HERC5: variants seen among roughly 807,000 people sequenced by gnomAD.
HERC5 encodes HECT and RLD domain containing E3 ubiquitin protein ligase 5.
HERC5 carries 99 observed loss-of-function variants against 119.6 expected under a neutral mutation model. The observed-to-expected ratio is 0.83, with a 90% CI of 0.70 to 0.98. HERC5 has a LOEUF of 0.98. Among genes scored for constraint, HERC5 ranks in the 50% least tolerant of loss-of-function variants. The probability of loss-of-function intolerance (pLI) is 0.00; values close to 1 mark genes in which losing one functional copy is unlikely to be tolerated. For synonymous variants in HERC5, 478 were observed against 445.9 expected, an observed-to-expected ratio of 1.07 and a Z score of -0.91; for missense variants, 1,267 against 1,241.3, an observed-to-expected ratio of 1.02 and a Z score of -0.31.
chr4:88,484,072 G>GA (rs1372876183), intron 13 of HERC5, among the ~76,000 whole-genome samples: 1 of 152,032 alleles, frequency 6.6e-6, no homozygotes, highest in Non-Finnish European at 1.5e-5. Context: ...TCCAGTTCAT[G>GA]AATTCTCTTT....
intron 13 of HERC5, among the ~76,000 whole-genome samples, chr4:88,485,295 C>A (rs1741420219): frequency 6.6e-6 from 1 of 152,070 alleles, no homozygotes; most frequent in Non-Finnish European, 1.5e-5. Context: ...CACCAGGAAC[C>A]ATGAAGATGA....
At chr4:88,491,333 A>T (rs1741632851) in intron 16 of HERC5, among the ~76,000 whole-genome samples, 1 of 152,170 alleles carries the variant, frequency 6.6e-6, no homozygotes, top group African/African-American at 2.4e-5. Context: ...CAATCAGGAG[A>T]GAAAATGCAC....
chr4:88,486,228 G>T lies in HERC5; in HGVS notation c.1851G>T (p.Val617=). 2 of 1,562,450 alleles carry T rather than the reference G, an allele frequency of 1.3e-6. No individual in the cohort carries two copies. The highest frequency in any genetic ancestry group is 1.7e-5 in the Admixed American group (1 of 59,502). The change falls in exon 14 of 23, where the codon GTG becomes GTT. Residue 617 remains valine, a splice_region_variant and synonymous_variant. Coordinates refer to ENST00000264350, the MANE Select transcript of HERC5 (RefSeq NM_016323.4). The part of the protein sequence containing the change: ...VCRRYLWKMT[V]DASENVQCCV... The stretch of plus-strand genomic sequence containing the variant: ...GAAGGTACTTGTGGAAAATGACTGT[G>T]GTAGGTATAGCATGTTTAAAGGGGG...
intron 1 of HERC5, 47 bp from the exon 2 acceptor site, chr4:88,459,300 G>A (rs762375734): frequency 2.7e-6 from 4 of 1,462,666 alleles, no homozygotes; most frequent in Admixed American, 2.5e-5. Context: ...TAATACAGTG[G>A]GTAATAATCA....
intron 8 of HERC5, among the ~76,000 whole-genome samples, chr4:88,468,642 C>T (rs934886579): frequency 2.0e-5 from 3 of 152,162 alleles, no homozygotes; most frequent in Admixed American, 1.3e-4. Context: ...GTGTGATTTC[C>T]ATAGGCTATA....
chr4:88,459,245 T>A (rs1740319318), intron 1 of HERC5, 102 bp from the exon 2 acceptor site: 1 of 1,001,990 alleles, frequency 1.0e-6, no homozygotes, highest in Non-Finnish European at 1.4e-6. Context: ...GCTTGTCTAG[T>A]TGAAATTTTT....
At chr4:88,458,147 A>G (rs1419492293) in intron 1 of HERC5, 13 of 874,426 alleles carry the variant, frequency 1.5e-5, no homozygotes, top group Non-Finnish European at 1.8e-5. Context: ...TAGAAATTTG[A>G]GTTGTTAAAT....
chr4:88,481,567 CT>C (rs1741277976), intron 13 of HERC5, among the ~76,000 whole-genome samples: 2 of 152,118 alleles, frequency 1.3e-5, no homozygotes, highest in South Asian at 2.1e-4. Context: ...TTGTTTTAAA[CT>C]TTTTTTCTCC....
In HERC5 at chr4:88,488,808, G is replaced by T. The variant is rs957712475; in HGVS notation, c.1963-358G>T. The stretch of plus-strand genomic sequence containing the variant: ...GAATGAGAGAGCATCATGTTGCAGT[G>T]CACTGTTTCAGTGGATACCAATACA... On this transcript the variant is annotated intron_variant, in intron 15 of 22. Transcript: ENST00000264350. Among the ~76,000 whole-genome samples, 7 of 151,954 alleles carry T rather than the reference G, an allele frequency of 4.6e-5. No individual in the cohort carries two copies. The East Asian group carries it at 1.4e-3, about 29-fold the overall frequency.
intron 16 of HERC5, among the ~76,000 whole-genome samples, chr4:88,492,033 T>C (rs1232262742): frequency 6.6e-6 from 1 of 152,112 alleles, no homozygotes; most frequent in Non-Finnish European, 1.5e-5. Flanking sequence ...AGACAGAGTC[T>C]CACTCTGTTG....
In HERC5 at chr4:88,467,214, A is replaced by G; in HGVS notation, c.1057+10A>G. ...GAAGAACTCAAACTTGGTAAATTCT[A>G]TAGGAACATAGGGTTTGGCATAGTA... On this transcript the variant is annotated intron_variant, in intron 7 of 22. Transcript: ENST00000264350. 3.1e-6 allele frequency: 5 copies of G among 1,613,670 alleles called. No individual in the cohort carries two copies. The highest frequency in any genetic ancestry group is 1.7e-4 in the Middle Eastern group (1 of 6,060).
At chr4:88,505,455 C>T (rs1338181085) in intron 22 of HERC5, among the ~76,000 whole-genome samples, 1 of 152,166 alleles carries the variant, frequency 6.6e-6, no homozygotes, top group Non-Finnish European at 1.5e-5. Flanking sequence ...GTGTCTTTTT[C>T]TTCACAAGAA....
At chr4:88,486,259 GATAAT>G (rs754391072) in intron 14 of HERC5, 31 bp downstream of exon 14, 6 of 1,283,292 alleles carry the variant, frequency 4.7e-6, no homozygotes, top group Non-Finnish European at 6.7e-6. Flanking sequence ...GGGGGAAATT[GATAAT>G]CAGTGAGTTA....
chr4:88,468,322 C>T, intron 7 of HERC5, 24 bp from the exon 8 acceptor site: 1 of 1,557,930 alleles, frequency 6.4e-7, no homozygotes, highest in Admixed American at 1.8e-5. Flanking sequence ...TTCTAAAACT[C>T]TTACTCTTTG....
rs960482810 is a variant in HERC5 at position 88,480,024 on chromosome 4, G to A, written c.1737+517G>A. On this transcript the variant is annotated intron_variant, in intron 13 of 22. Coordinates refer to ENST00000264350, the MANE Select transcript of HERC5 (RefSeq NM_016323.4). Reference sequence around the variant, plus strand: ...GGAGCTTGCAGTGAGCAGAGATCGCGCCATTGCACTCCAGCCTGGGCGACA... The same window carrying A: ...GGAGCTTGCAGTGAGCAGAGATCGCACCATTGCACTCCAGCCTGGGCGACA... Among the ~76,000 whole-genome samples the A allele has an allele frequency of 7.5e-5, 11 of 147,104 alleles. No homozygotes were observed. In the East Asian group the frequency reaches 1.2e-3, roughly 16 times the overall value.
chr4:88,487,422 G>A (rs963150204), intron 15 of HERC5, among the ~76,000 whole-genome samples: 4 of 152,176 alleles, frequency 2.6e-5, no homozygotes, highest in African/African-American at 7.2e-5. Context: ...CCTAGTTGTC[G>A]GGTTTTTACC....
chr4:88,495,651 A>G (rs556467630), intron 18 of HERC5, among the ~76,000 whole-genome samples: 11 of 152,184 alleles, frequency 7.2e-5, no homozygotes, highest in Admixed American at 1.3e-4. Flanking sequence ...CAGAAAGATT[A>G]GGTAACTTGC....
Position 88,487,198 on chromosome 4 carries a change from C to A in HERC5, c.1962+19C>A. 2 of 1,334,504 alleles carry A rather than the reference C, an allele frequency of 1.5e-6. No individual in the cohort carries two copies. Among genetic ancestry groups the A allele is most frequent in the South Asian group, 1.2e-5 (1 of 83,726 alleles). 82.7% of individuals were successfully genotyped at this position (1,334,504 alleles called of 1,614,324 possible). A position where few individuals can be genotyped will look rare whatever the true frequency, so the allele number is the denominator to read the frequency against. On this transcript the variant is annotated intron_variant, in intron 15 of 22. Coordinates refer to ENST00000264350, the MANE Select transcript of HERC5 (RefSeq NM_016323.4). ...AATAGAGGTATGTATGCCTATTTGT[C>A]TTCATTAGCATAAATCACATGCTAA...
intron 10 of HERC5, 133 bp from the exon 11 acceptor site, chr4:88,472,276 G>A (rs1049859188): frequency 1.6e-6 from 1 of 627,074 alleles, no homozygotes; most frequent in Non-Finnish European, 2.9e-6. Flanking sequence ...CATTGCATTT[G>A]GATTTAGACA....
Sources: allele counts gnomAD v4.1 joint callset (sites outside exome capture counted in the v4.1 genomes callset), GRCh38; gene constraint gnomAD v4.1.1; transcripts MANE v1.5; gene names NCBI Gene and HGNC (gene_info 2026-07-23, HGNC 2026-07-21).